The following CAMKMT variants were observed in gnomAD, a reference collection of about 807,000 sequenced individuals.
CAMKMT encodes the protein calmodulin-lysine N-methyltransferase.
Under a neutral mutation model 48.0 loss-of-function variants are expected in CAMKMT, and 53 were observed. That is an observed-to-expected ratio of 1.10 (90% CI 0.89 to 1.39). The LOEUF is 1.39. Among genes scored for constraint, CAMKMT ranks in the 40% most tolerant of loss-of-function variants. CAMKMT has a pLI of 0.00. For missense variants in CAMKMT, 428 were observed against 402.7 expected, an observed-to-expected ratio of 1.06 and a Z score of -0.54; for synonymous variants, 165 against 152.3, an observed-to-expected ratio of 1.08 and a Z score of -0.61.
rs1674110629 is a variant in CAMKMT, at chr2:44,652,254, A to G, written c.377-52029A>G. Among the ~76,000 whole-genome samples the G allele has an allele frequency of 2.0e-5, 3 of 152,216 alleles. No homozygotes were observed. In the South Asian group the frequency reaches 6.2e-4, roughly 32 times the overall value. Reference sequence around the variant, plus strand: ...GCAGGTGATCAATGTAGTTGATACTATTTTAGCAATCCCTTTTACTTGTGT... The same window carrying G: ...GCAGGTGATCAATGTAGTTGATACTGTTTTAGCAATCCCTTTTACTTGTGT... On this transcript the variant is annotated intron_variant, in intron 3 of 10. Transcript: ENST00000378494.
chr2:44,449,672 G>A (rs1293842675), intron 3 of CAMKMT, among the ~76,000 whole-genome samples: 5 of 152,046 alleles, frequency 3.3e-5, no homozygotes, highest in Admixed American at 1.3e-4. Flanking sequence ...AGAAACAATA[G>A]CATTGGCAGA....
intron 3 of CAMKMT, among the ~76,000 whole-genome samples, chr2:44,632,393 C>T (rs924621357): frequency 2.0e-5 from 3 of 151,762 alleles, no homozygotes; most frequent in Non-Finnish European, 4.4e-5. Context: ...TTTTTTGAGG[C>T]GTTAGTTTAT....
At chr2:44,458,615 T>A (rs1309185984) in intron 3 of CAMKMT, among the ~76,000 whole-genome samples, 7 of 152,186 alleles carry the variant, frequency 4.6e-5, no homozygotes, top group Non-Finnish European at 1.0e-4. Context: ...TAGAAAGACG[T>A]TTTTATATAA....
At chr2:44,534,957 C>A (rs1182308552) in intron 3 of CAMKMT, among the ~76,000 whole-genome samples, 1 of 151,138 alleles carries the variant, frequency 6.6e-6, no homozygotes, top group Non-Finnish European at 1.5e-5. Flanking sequence ...GCTTTTTTAA[C>A]ATATAAAGTT....
At chr2:44,605,485 C>T (rs114891539) in intron 3 of CAMKMT, among the ~76,000 whole-genome samples, 4,264 of 152,080 alleles carry the variant, frequency 0.028, 197 homozygotes, top group African/African-American at 0.097. Context: ...CCCATATACA[C>T]GTTCATATAC....
At chr2:44,522,111 C>G (rs548184944) in intron 3 of CAMKMT, among the ~76,000 whole-genome samples, 5 of 151,760 alleles carry the variant, frequency 3.3e-5, no homozygotes, top group Non-Finnish European at 7.4e-5. Context: ...TCAAGCAATT[C>G]TCCTGCCTCA....
chr2:44,529,849 G>C (rs1011798), intron 3 of CAMKMT, among the ~76,000 whole-genome samples: 68,376 of 152,104 alleles, frequency 0.45, 17,566 homozygotes, highest in Non-Finnish European at 0.58. Flanking sequence ...CAATCTGTGA[G>C]TAATTTGAGA....
At chr2:44,672,998 C>A (rs1675421078) in intron 3 of CAMKMT, among the ~76,000 whole-genome samples, 1 of 152,130 alleles carries the variant, frequency 6.6e-6, no homozygotes. Context: ...ACTGGAATAG[C>A]ACTGAAATAG....
chr2:44,500,480 A>AT (rs1669952952), intron 3 of CAMKMT, among the ~76,000 whole-genome samples: 2 of 152,058 alleles, frequency 1.3e-5, no homozygotes, highest in Non-Finnish European at 2.9e-5. Flanking sequence ...TATAAGATTA[A>AT]TTTTTTCCTG....
intron 3 of CAMKMT, among the ~76,000 whole-genome samples, chr2:44,462,217 A>G (rs908304065): frequency 1.3e-5 from 2 of 152,202 alleles, no homozygotes; most frequent in African/African-American, 4.8e-5. Context: ...AATAATAAAG[A>G]AAAGGGTAAT....
intron 3 of CAMKMT, among the ~76,000 whole-genome samples, chr2:44,692,358 G>A (rs140729957): frequency 0.012 from 1,817 of 152,116 alleles, 12 homozygotes; most frequent in Non-Finnish European, 0.019. Flanking sequence ...TACTTTTATT[G>A]CTTGTACTTA....
rs202094451 is a variant in CAMKMT at position 44,631,392 on chromosome 2, T to TATA, written c.377-72878_377-72876dup. On this transcript the variant is annotated intron_variant, in intron 3 of 10. Transcript: ENST00000378494. The stretch of plus-strand genomic sequence containing the variant: ...TGCACATGTACCCTAAAACTTAAAG[T>TATA]ATAATAATAATAATAGTAATAATAA... 4 of 460,766 alleles carry TATA rather than the reference T, an allele frequency of 8.7e-6. No individual in the cohort carries two copies. In the Admixed American group the frequency reaches 1.1e-4, roughly 13 times the overall value. 28.5% of individuals were successfully genotyped at this position (460,766 alleles called of 1,614,324 possible).
Position 44,474,318 on chromosome 2 carries a change from G to C in CAMKMT, c.376+84013G>C, listed in dbSNP as rs568623896. On this transcript the variant is annotated intron_variant, in intron 3 of 10. Transcript: ENST00000378494. ...AAAAATTAGCCGGGTGTGGTGGCAG[G>C]TGCCTATAATACCAGCTACTCGGGA... Among the ~76,000 whole-genome samples the C allele has an allele frequency of 1.9e-4, 29 of 151,968 alleles. No homozygotes were observed. In the South Asian group the frequency reaches 6.1e-3, roughly 32 times the overall value.
chr2:44,366,642 G>C (rs987061378), intron 1 of CAMKMT, among the ~76,000 whole-genome samples: 1 of 152,112 alleles, frequency 6.6e-6, no homozygotes, highest in African/African-American at 2.4e-5. Context: ...GTTGTTTTGA[G>C]TATTTGAGAT....
chr2:44,464,521 G>A (rs1396659658), intron 3 of CAMKMT, among the ~76,000 whole-genome samples: 1 of 152,090 alleles, frequency 6.6e-6, no homozygotes, highest in East Asian at 1.9e-4. Context: ...ATCAGAAGAG[G>A]TGCACACTGT....
intron 7 of CAMKMT, among the ~76,000 whole-genome samples, chr2:44,741,859 C>T (rs1337179524): frequency 1.3e-5 from 2 of 152,182 alleles, no homozygotes; most frequent in Non-Finnish European, 1.5e-5. Context: ...TCCACTATCA[C>T]CACAGGATTT....
chr2:44,460,886 C>G (rs760296859), intron 3 of CAMKMT, among the ~76,000 whole-genome samples: 1 of 152,000 alleles, frequency 6.6e-6, no homozygotes, highest in Admixed American at 6.6e-5. Context: ...CCACACCCAG[C>G]TAATTTTTGT....
chr2:44,605,346 A>G (rs1252962862), intron 3 of CAMKMT, among the ~76,000 whole-genome samples: 2 of 152,072 alleles, frequency 1.3e-5, no homozygotes, highest in Non-Finnish European at 2.9e-5. Flanking sequence ...TACAAACTGT[A>G]GCACATTTTT....
chr2:44,548,233 C>G (rs1334152247), intron 3 of CAMKMT, among the ~76,000 whole-genome samples: 1 of 152,182 alleles, frequency 6.6e-6, no homozygotes, highest in Non-Finnish European at 1.5e-5. Flanking sequence ...TGCCTCATTC[C>G]TGACTCTGTT....
Sources: allele counts gnomAD v4.1 joint callset (sites outside exome capture counted in the v4.1 genomes callset), GRCh38; gene constraint gnomAD v4.1.1; transcripts MANE v1.5; gene names NCBI Gene and HGNC (gene_info 2026-07-23, HGNC 2026-07-21).